Variants in COG5 observed in about 807,000 individuals in gnomAD.
COG5 encodes conserved oligomeric Golgi complex subunit 5.
Under a neutral mutation model 110.4 loss-of-function variants are expected in COG5, and 86 were observed. That is an observed-to-expected ratio of 0.78 (90% CI 0.65 to 0.93). The LOEUF is 0.93. Ranked by LOEUF, COG5 falls within the 40% of genes least tolerant of loss-of-function variation. The probability of loss-of-function intolerance (pLI) is 0.00; values close to 1 mark genes in which losing one functional copy is unlikely to be tolerated. For synonymous variants in COG5, 360 were observed against 334.6 expected (o/e 1.08, Z -0.83); for missense variants, 1,077 against 987.0 (o/e 1.09, Z -1.22).
intron 6 of COG5, among the ~76,000 whole-genome samples, chr7:107,520,025 C>G (rs1371419175): frequency 6.6e-6 from 1 of 152,144 alleles, no homozygotes; most frequent in African/African-American, 2.4e-5. Context: ...ATCACATAAA[C>G]AGAACCAATG....
At chr7:107,554,140 A>C in intron 3 of COG5, 145 bp downstream of exon 3, 2 of 705,656 alleles carry the variant, frequency 2.8e-6, no homozygotes, top group Non-Finnish European at 5.1e-6. Flanking sequence ...GCCTACTTTC[A>C]CTCTACAATG....
chr7:107,268,974 G>A (rs886403929), intron 14 of COG5, among the ~76,000 whole-genome samples: 4 of 152,072 alleles, frequency 2.6e-5, no homozygotes, highest in African/African-American at 9.7e-5. Flanking sequence ...ATTGTGATCA[G>A]TGATGTATAT....
intron 12 of COG5, among the ~76,000 whole-genome samples, chr7:107,294,078 A>G (rs573350585): frequency 1.3e-5 from 2 of 152,324 alleles, no homozygotes; most frequent in East Asian, 3.9e-4. Flanking sequence ...ATCTAAAAAA[A>G]TAAAAATAAA....
rs376906286 is a variant in COG5 at position 107,463,587 on chromosome 7, C to T, written c.539-50955G>A. On this transcript the variant is annotated intron_variant, in intron 6 of 21. Transcript: ENST00000297135. ...AGCAGAGGAACCCAAAACAATAGTA[C>T]ACTGAATAGGCCCAGAGGCTCCATC... 1.1e-3 allele frequency among the ~76,000 whole-genome samples: 171 copies of T among 152,270 alleles called. 2 individuals are homozygous for T. Among genetic ancestry groups the T allele is most frequent in the African/African-American group, 3.5e-3 (145 of 41,544 alleles).
chr7:107,482,535 A>G (rs1797414864), intron 6 of COG5, among the ~76,000 whole-genome samples: 1 of 152,110 alleles, frequency 6.6e-6, no homozygotes, highest in East Asian at 1.9e-4. Context: ...ACTATGTATC[A>G]AGGTGATATT....
intron 6 of COG5, among the ~76,000 whole-genome samples, chr7:107,508,261 C>A (rs982058652): frequency 2.6e-5 from 4 of 152,216 alleles, no homozygotes; most frequent in African/African-American, 4.8e-5. Context: ...GGGTCCTATG[C>A]CCACAGAGTC....
chr7:107,246,823 G>C (rs1204675577), intron 17 of COG5, among the ~76,000 whole-genome samples: 1 of 152,146 alleles, frequency 6.6e-6, no homozygotes, highest in Admixed American at 6.5e-5. Context: ...ATTCCTCAAA[G>C]GGCTAAAAGC....
At chr7:107,298,625 C>T (rs1286169305) in intron 11 of COG5, among the ~76,000 whole-genome samples, 1 of 151,990 alleles carries the variant, frequency 6.6e-6, no homozygotes, top group Admixed American at 6.6e-5. Flanking sequence ...TTTCAAGAAT[C>T]AAGAAAATAA....
At chr7:107,560,641 A>G (rs961479141) in intron 1 of COG5, among the ~76,000 whole-genome samples, 8 of 152,232 alleles carry the variant, frequency 5.3e-5, no homozygotes, top group African/African-American at 1.9e-4. Context: ...AACAGAAACT[A>G]CCAGAGGAAA....
intron 7 of COG5, 121 bp downstream of exon 7, chr7:107,412,381 G>T: frequency 1.2e-6 from 1 of 866,754 alleles, no homozygotes. Flanking sequence ...TTAAATTGTA[G>T]ACATACTTTC....
intron 6 of COG5, among the ~76,000 whole-genome samples, chr7:107,511,348 G>A (rs933114045): frequency 6.6e-6 from 1 of 152,168 alleles, no homozygotes; most frequent in African/African-American, 2.4e-5. Flanking sequence ...AAAACAGGAA[G>A]AAGTTGAATC....
At chr7:107,353,229 T>G (rs1247536306) in intron 10 of COG5, among the ~76,000 whole-genome samples, 1 of 151,814 alleles carries the variant, frequency 6.6e-6, no homozygotes, top group East Asian at 1.9e-4. Flanking sequence ...ATCGAGACCA[T>G]CCTGGCTAAC....
At position 107,412,584 on chromosome 7, in the gene COG5, T is replaced by G; in HGVS notation, c.587A>C (p.Asn196Thr). 1 of 1,594,674 alleles carries G rather than the reference T, an allele frequency of 6.3e-7. No individual in the cohort carries two copies. The highest frequency in any genetic ancestry group is 1.1e-5 in the South Asian group (1 of 90,688). The part of the protein sequence containing the change: ...IDLSGIEVIE[N>T]DLLFIARARL... ...GGCTCTTGCAATAAAAAGTAGATCA[T>G]TTTCTATCACTTCTATTCCAGAAAG... The change falls in exon 7 of 22, where the codon AAT (asparagine) becomes ACT (threonine). Residue 196 changes from asparagine to threonine, a missense_variant. Asn to Thr is a moderately conservative substitution (Grantham distance 65). Coordinates refer to ENST00000297135, the MANE Select transcript of COG5 (RefSeq NM_006348.5).
At chr7:107,532,758 C>T (rs147123097) in intron 5 of COG5, among the ~76,000 whole-genome samples, 11 of 152,258 alleles carry the variant, frequency 7.2e-5, no homozygotes, top group African/African-American at 2.6e-4. Flanking sequence ...ATTTGCTCTG[C>T]TGCACAATAC....
At chr7:107,333,922 T>C (rs1229169857) in intron 10 of COG5, among the ~76,000 whole-genome samples, 3 of 152,140 alleles carry the variant, frequency 2.0e-5, no homozygotes, top group Non-Finnish European at 4.4e-5. Context: ...GGTTGATTAA[T>C]AAGGTTTAGT....
At chr7:107,382,867 T>C (rs990408055) in intron 7 of COG5, among the ~76,000 whole-genome samples, 1 of 152,234 alleles carries the variant, frequency 6.6e-6, no homozygotes, top group African/African-American at 2.4e-5. Flanking sequence ...ACTAGTTGTT[T>C]TTAAGTTTTC....
chr7:107,413,601 G>A (rs749457036), intron 6 of COG5, among the ~76,000 whole-genome samples: 2 of 150,276 alleles, frequency 1.3e-5, no homozygotes, highest in Non-Finnish European at 3.0e-5. Context: ...CTTCACCACA[G>A]AAGAATAGAG....
intron 7 of COG5, among the ~76,000 whole-genome samples, chr7:107,379,751 C>T (rs1299094784): frequency 2.0e-5 from 3 of 152,042 alleles, no homozygotes; most frequent in South Asian, 2.1e-4. Flanking sequence ...TATATATGCA[C>T]CCAGTACAGG....
At chr7:107,295,101 A>ATATTT (rs1289733590) in intron 12 of COG5, among the ~76,000 whole-genome samples, 3 of 45,516 alleles carry the variant, frequency 6.6e-5, no homozygotes, top group Non-Finnish European at 1.2e-4. Flanking sequence ...ATATATATAT[A>ATATTT]TTTTTTTTTT....
Sources: gnomAD v4.1 joint callset for allele counts (sites outside exome capture counted in the v4.1 genomes callset) on GRCh38, gnomAD v4.1.1 for gene constraint, MANE v1.5 for transcripts, NCBI Gene and HGNC (gene_info 2026-07-23, HGNC 2026-07-21) for gene names.